The following GPATCH1 variants were observed in gnomAD, a reference collection of about 807,000 sequenced individuals.
GPATCH1 encodes the protein G patch domain-containing protein 1.
GPATCH1 carries 73 observed loss-of-function variants against 114.9 expected under a neutral mutation model. The observed-to-expected ratio is 0.64, with a 90% confidence interval of 0.53 to 0.77. GPATCH1 has a LOEUF of 0.77. GPATCH1 is among the 30% of genes least tolerant of loss of function. The pLI, the probability that GPATCH1 is intolerant of heterozygous loss-of-function variation, is 0.00. For missense variants in GPATCH1, 1,058 were observed against 1,144.3 expected (o/e 0.92, Z 1.09); for synonymous variants, 391 against 428.4 (o/e 0.91, Z 1.08).
Position 33,088,141 on chromosome 19 carries a change from A to G in GPATCH1, c.81A>G (p.Arg27=), listed in dbSNP as rs2145301580. 1.3e-6 allele frequency: 2 copies of G among 1,489,008 alleles called. No individual in the cohort carries two copies. The highest frequency in any genetic ancestry group is 2.3e-5 in the East Asian group (1 of 42,940). The allele number at this position is 1,489,008 out of a possible 1,614,324, so 92.2% of individuals were successfully genotyped here. Residue 27 remains arginine, a synonymous_variant, in exon 2 of 20, where the codon AGA becomes AGG. Transcript: ENST00000170564. ...TTTTTTTTTTTTTTTTAGGTGAAAGACCAAAGAAACCAATCCCTCTTCAGG... is the reference window on the plus strand; with the variant it reads ...TTTTTTTTTTTTTTTTAGGTGAAAGGCCAAAGAAACCAATCCCTCTTCAGG... ...TGLEPLEEGE[R]PKKPIPLQDQ... is the part of the protein sequence containing the mutation.
chr19:33,126,838 C>T (rs948498763), intron 19 of GPATCH1, 105 bp downstream of exon 19: 76 of 978,482 alleles, frequency 7.8e-5, no homozygotes, highest in Middle Eastern at 5.4e-4. Context: ...ACTGGTAGGC[C>T]GGGTGCAGTG....
chr19:33,095,878 CTG>C, intron 6 of GPATCH1, 58 bp downstream of exon 6: 1 of 1,254,256 alleles, frequency 8.0e-7, no homozygotes, highest in Non-Finnish European at 1.2e-6. Flanking sequence ...TTCTGTATGA[CTG>C]TGAAATTTGG....
intron 3 of GPATCH1, 102 bp downstream of exon 3, chr19:33,090,967 C>T: frequency 1.4e-6 from 1 of 711,570 alleles, no homozygotes; most frequent in Non-Finnish European, 2.5e-6. Flanking sequence ...GTACGATTTC[C>T]TCTTTGTTTG....
chr19:33,091,248 A>G (rs1972591770), intron 3 of GPATCH1, among the ~76,000 whole-genome samples: 1 of 151,708 alleles, frequency 6.6e-6, no homozygotes, highest in African/African-American at 2.4e-5. Flanking sequence ...CGTCTCTACT[A>G]AACAAAATAC....
chr19:33,095,261 T>G (rs1401608390), intron 5 of GPATCH1, among the ~76,000 whole-genome samples: 1 of 147,382 alleles, frequency 6.8e-6, no homozygotes, highest in African/African-American at 2.5e-5. Flanking sequence ...AGTGAGGTTT[T>G]TTTTTTTTTT....
At position 33,096,413 on chromosome 19, in the gene GPATCH1, G is replaced by A. The variant is rs573924520; in HGVS notation, c.819G>A (p.Leu273=). ...ERAGDLGEIG[L]NKGRKLGISG... ...CTGGCGATCTTGGAGAAATTGGACT[G>A]AATAAAGGAAGAAAATTGGGAATTT... The change falls in exon 7 of 20, where the codon CTG becomes CTA. Residue 273 remains leucine, a synonymous_variant. Coordinates refer to ENST00000170564, the MANE Select transcript of GPATCH1 (RefSeq NM_018025.3). 3.7e-6 allele frequency: 6 copies of A among 1,611,764 alleles called. No homozygotes were observed. In the African/African-American group the frequency reaches 5.3e-5, roughly 14 times the overall value.
chr19:33,106,894 T>A lies in GPATCH1; in HGVS notation c.1280T>A (p.Ile427Asn). Residue 427 changes from isoleucine to asparagine, a missense_variant, in exon 10 of 20, where the codon ATT (isoleucine) becomes AAT (asparagine). Transcript: ENST00000170564. ...KRAELLGETP[I>N]QGSATSVLEF... ...GCTGAGTTGCTTGGAGAGACGCCTATTCAAGGTATGTGCCATGGAGAAGAC... is the reference window on the plus strand; with the variant it reads ...GCTGAGTTGCTTGGAGAGACGCCTAATCAAGGTATGTGCCATGGAGAAGAC... The A allele has an allele frequency of 6.2e-7, 1 of 1,610,650 alleles. No individual in the cohort carries two copies. Among genetic ancestry groups the A allele is most frequent in the Non-Finnish European group, 8.5e-7 (1 of 1,176,964 alleles).
intron 8 of GPATCH1, among the ~76,000 whole-genome samples, chr19:33,099,686 T>TC (rs1307357815): frequency 6.6e-6 from 1 of 151,130 alleles, no homozygotes; most frequent in African/African-American, 2.4e-5. Flanking sequence ...GCAACCTCCG[T>TC]CCCCCGGGTT....
chr19:33,099,211 AT>A (rs1205221642), intron 8 of GPATCH1, among the ~76,000 whole-genome samples: 1 of 151,060 alleles, frequency 6.6e-6, no homozygotes, highest in Non-Finnish European at 1.5e-5. Context: ...TATTTTAATT[AT>A]TCATTATTTA....
intron 1 of GPATCH1, among the ~76,000 whole-genome samples, chr19:33,084,958 G>A (rs1311970193): frequency 1.3e-5 from 2 of 152,220 alleles, no homozygotes; most frequent in African/African-American, 4.8e-5. Flanking sequence ...ACTGTGCCCA[G>A]CGACTTTGCC....
chr19:33,103,641 C>T (rs151065653), intron 9 of GPATCH1, among the ~76,000 whole-genome samples: 3,833 of 152,068 alleles, frequency 0.025, 143 homozygotes, highest in African/African-American at 0.088. Context: ...GTGGAGGTTG[C>T]AGTGAGCCAA....
intron 15 of GPATCH1, among the ~76,000 whole-genome samples, chr19:33,117,057 G>A (rs1301075693): frequency 6.6e-6 from 1 of 152,006 alleles, no homozygotes; most frequent in East Asian, 1.9e-4. Flanking sequence ...CTAGTTGGGT[G>A]TGGTGGCATG....
rs544070899 is a variant in GPATCH1 at position 33,109,287 on chromosome 19, C to T, written c.1286-430C>T. Reference sequence around the variant, plus strand: ...ATCCCAGCACTTTGGGAGGCCGAGGCGGGTGGATCACCTGAGGTCAGGAGT... The same window carrying T: ...ATCCCAGCACTTTGGGAGGCCGAGGTGGGTGGATCACCTGAGGTCAGGAGT... On this transcript the variant is annotated intron_variant, in intron 10 of 19. Transcript: ENST00000170564. 1.4e-3 allele frequency among the ~76,000 whole-genome samples: 207 copies of T among 152,172 alleles called. 1 individual carries two copies. Among genetic ancestry groups the T allele is most frequent in the African/African-American group, 4.8e-3 (199 of 41,512 alleles).
intron 19 of GPATCH1, among the ~76,000 whole-genome samples, chr19:33,129,497 C>T (rs182360574): frequency 1.0e-3 from 157 of 151,422 alleles, no homozygotes; most frequent in Non-Finnish European, 1.3e-3. Context: ...GGTCATGCAA[C>T]GGATGCGGTA....
intron 11 of GPATCH1, among the ~76,000 whole-genome samples, chr19:33,110,989 ATATAT>A (rs1299540918): frequency 6.7e-6 from 1 of 148,384 alleles, no homozygotes; most frequent in Non-Finnish European, 1.5e-5. Context: ...TATATATAAA[ATATAT>A]TATATATATA....
chr19:33,083,054 C>T (rs957389594), intron 1 of GPATCH1, among the ~76,000 whole-genome samples: 3 of 151,264 alleles, frequency 2.0e-5, no homozygotes, highest in African/African-American at 7.3e-5. Flanking sequence ...CTGGCTAACA[C>T]GGTGAAACCC....
intron 16 of GPATCH1, among the ~76,000 whole-genome samples, chr19:33,118,543 A>G (rs1972941877): frequency 1.3e-5 from 2 of 152,146 alleles, no homozygotes; most frequent in South Asian, 4.1e-4. Context: ...TGCTTAAAAA[A>G]CAAGATTATT....
At chr19:33,095,560 GC>G (rs1972647442) in intron 5 of GPATCH1, among the ~76,000 whole-genome samples, 1 of 151,506 alleles carries the variant, frequency 6.6e-6, no homozygotes, top group African/African-American at 2.4e-5. Context: ...GCTGCGCCCA[GC>G]CTTTTTTTTT....
intron 6 of GPATCH1, 51 bp downstream of exon 6, chr19:33,095,871 TG>T (rs1456049982): frequency 1.6e-6 from 2 of 1,281,798 alleles, no homozygotes; most frequent in African/African-American, 3.0e-5. Context: ...CACCTGTTTC[TG>T]TATGACTGTG....
Sources: gnomAD v4.1 joint callset for allele counts (sites outside exome capture counted in the v4.1 genomes callset) on GRCh38, gnomAD v4.1.1 for gene constraint, MANE v1.5 for transcripts, NCBI Gene and HGNC (gene_info 2026-07-23, HGNC 2026-07-21) for gene names.